The following GRM1 variants were observed in gnomAD, a reference collection of about 807,000 sequenced individuals.
GRM1 encodes glutamate metabotropic receptor 1.
In GRM1, 33 loss-of-function variants were observed where a neutral mutation model predicts 90.9. That is an observed-to-expected ratio of 0.36 (90% CI 0.28 to 0.49). The LOEUF (loss-of-function observed/expected upper bound fraction) is 0.49, where lower values mean the gene tolerates loss of function less well. GRM1 is among the 20% of genes least tolerant of loss of function. The probability of loss-of-function intolerance (pLI) is 0.99; values close to 1 mark genes in which losing one functional copy is unlikely to be tolerated. For synonymous variants in GRM1, 700 were observed against 613.2 expected, an observed-to-expected ratio of 1.14 and a Z score of -2.09; for missense variants, 1,190 against 1,534.3, an observed-to-expected ratio of 0.78 and a Z score of 3.75.
intron 2 of GRM1, among the ~76,000 whole-genome samples, chr6:146,248,070 A>T (rs899613224): frequency 3.3e-5 from 5 of 151,896 alleles, no homozygotes; most frequent in Non-Finnish European, 5.9e-5. Flanking sequence ...TGGGGGAAAT[A>T]CTAGATCTTT....
intron 3 of GRM1, among the ~76,000 whole-genome samples, chr6:146,342,934 A>G (rs1160921362): frequency 6.6e-6 from 1 of 152,134 alleles, no homozygotes; most frequent in Non-Finnish European, 1.5e-5. Flanking sequence ...TTAATGCATT[A>G]TTATTAACTA....
intron 2 of GRM1, among the ~76,000 whole-genome samples, chr6:146,238,227 A>T (rs1344761880): frequency 1.3e-5 from 2 of 152,180 alleles, no homozygotes; most frequent in Admixed American, 1.3e-4. Context: ...TTCAGAACTG[A>T]TAAATAAATG....
intron 2 of GRM1, among the ~76,000 whole-genome samples, chr6:146,220,376 A>G (rs1780019958): frequency 6.6e-6 from 1 of 152,282 alleles, no homozygotes; most frequent in South Asian, 2.1e-4. Flanking sequence ...GTACTATCAG[A>G]AAGATTGTCA....
At chr6:146,133,175 A>C (rs1206061144) in intron 1 of GRM1, among the ~76,000 whole-genome samples, 2 of 152,222 alleles carry the variant, frequency 1.3e-5, no homozygotes, top group Non-Finnish European at 2.9e-5. Flanking sequence ...ATTAATTTAA[A>C]GCTTTTGGAA....
At chr6:146,129,051 G>A (rs553940656) in intron 1 of GRM1, among the ~76,000 whole-genome samples, 3 of 152,034 alleles carry the variant, frequency 2.0e-5, no homozygotes, top group South Asian at 2.1e-4. Flanking sequence ...GATATTTTCC[G>A]GTACATGTAA....
At chr6:146,239,937 T>C (rs1780791938) in intron 2 of GRM1, among the ~76,000 whole-genome samples, 1 of 152,110 alleles carries the variant, frequency 6.6e-6, no homozygotes, top group Admixed American at 6.6e-5. Flanking sequence ...CACGAGGTCA[T>C]GAGAAGAGCA....
chr6:146,258,370 C>T (rs1017331156), intron 2 of GRM1, among the ~76,000 whole-genome samples: 6 of 152,106 alleles, frequency 3.9e-5, no homozygotes, highest in African/African-American at 1.4e-4. Context: ...CCTGCTCTAC[C>T]CAAGAGGGTT....
intron 2 of GRM1, among the ~76,000 whole-genome samples, chr6:146,239,377 C>G (rs1360107811): frequency 6.6e-6 from 1 of 151,174 alleles, no homozygotes; most frequent in Non-Finnish European, 1.5e-5. Context: ...AACACACACA[C>G]TATCTACACT....
chr6:146,387,159 A>T (rs1583424660), intron 6 of GRM1, 143 bp downstream of exon 6: 1 of 818,416 alleles, frequency 1.2e-6, no homozygotes, highest in East Asian at 2.4e-5. Context: ...CAAGGAGTAT[A>T]CATAAACCTC....
At chr6:146,035,071 G>A (rs1403320002) in intron 1 of GRM1, among the ~76,000 whole-genome samples, 4 of 151,826 alleles carry the variant, frequency 2.6e-5, no homozygotes, top group African/African-American at 9.7e-5. Flanking sequence ...TGGAGAAAAG[G>A]GAATTTTGGT....
At chr6:146,315,762 T>A (rs932299167) in intron 3 of GRM1, among the ~76,000 whole-genome samples, 2 of 152,226 alleles carry the variant, frequency 1.3e-5, no homozygotes, top group African/African-American at 4.8e-5. Context: ...ACTGTCCAAG[T>A]TGAGAGCCTG....
rs767030999 is a variant in GRM1 at position 146,426,654 on chromosome 6, C to G, written c.2661-7218C>G. On this transcript the variant is annotated intron_variant, in intron 7 of 7. Transcript: ENST00000282753. ...CACTGCAGTGAATGTGTAAGAGAAG[C>G]TGCATGGAAAATCTAGTGTTTTGCC... 4 of 1,283,488 alleles carry G rather than the reference C, an allele frequency of 3.1e-6. No individual in the cohort carries two copies. In the South Asian group the frequency reaches 4.8e-5, roughly 16 times the overall value. 79.5% of individuals were successfully genotyped at this position (1,283,488 alleles called of 1,614,324 possible). A position where few individuals can be genotyped will look rare whatever the true frequency, so the allele number is the denominator to read the frequency against.
chr6:146,405,526 C>G (rs575296207), intron 7 of GRM1, among the ~76,000 whole-genome samples: 1 of 152,128 alleles, frequency 6.6e-6, no homozygotes, highest in Non-Finnish European at 1.5e-5. Context: ...TCTCACAGTT[C>G]CGGAGGCTGA....
chr6:146,330,694 T>G (rs1784559131), intron 3 of GRM1, among the ~76,000 whole-genome samples: 1 of 152,212 alleles, frequency 6.6e-6, no homozygotes, highest in Non-Finnish European at 1.5e-5. Context: ...AATGTTGCTT[T>G]GTTTTAAATT....
chr6:146,187,786 A>G lies in GRM1; in HGVS notation c.950+28189A>G, dbSNP rs201899090. Among the ~76,000 whole-genome samples the G allele has an allele frequency of 3.0e-4, 46 of 151,920 alleles. 1 individual carries two copies. The East Asian group carries it at 3.7e-3, about 12-fold the overall frequency. ...AGCTATTTTGCTTTTTTATAAAACA[A>G]CACAAAAAACAAAAGAGTAAAACGA... On this transcript the variant is annotated intron_variant, in intron 2 of 7. Coordinates refer to ENST00000282753, the MANE Select transcript of GRM1 (RefSeq NM_001278064.2).
chr6:146,088,807 G>A (rs1251243009), intron 1 of GRM1, among the ~76,000 whole-genome samples: 2 of 152,100 alleles, frequency 1.3e-5, no homozygotes, highest in Non-Finnish European at 2.9e-5. Context: ...GAATCTTCTT[G>A]CTAGGGGCAG....
chr6:146,267,702 G>GTCTCGT (rs1781965089), intron 2 of GRM1, among the ~76,000 whole-genome samples: 6 of 86,118 alleles, frequency 7.0e-5, no homozygotes, highest in African/African-American at 2.4e-4. Flanking sequence ...GCTCGGCTCG[G>GTCTCGT]CTCGTCTCGT....
chr6:146,397,484 G>GAAAAAAAAAAAAAAAAAAAAAAAAAA (rs577471775), intron 6 of GRM1, among the ~76,000 whole-genome samples: 1 of 45,044 alleles, frequency 2.2e-5, no homozygotes, highest in African/African-American at 7.2e-5. Flanking sequence ...AAAAAAAAAA[G>GAAAAAAAAAAAAAAAAAAAAAAAAAA]AAAAAAAAAA....
chr6:146,030,464 A>G (rs1404263436), intron 1 of GRM1, among the ~76,000 whole-genome samples: 1 of 152,226 alleles, frequency 6.6e-6, no homozygotes. Flanking sequence ...CTTTCCATGC[A>G]AAGTGTCCAG....
Sources: gnomAD v4.1 joint callset for allele counts (sites outside exome capture counted in the v4.1 genomes callset) on GRCh38, gnomAD v4.1.1 for gene constraint, MANE v1.5 for transcripts, NCBI Gene and HGNC (gene_info 2026-07-23, HGNC 2026-07-21) for gene names.